Variants in CPNE4 observed in about 807,000 individuals in gnomAD.
CPNE4 encodes copine-4.
CPNE4 carries 25 observed loss-of-function variants against 67.9 expected under a neutral mutation model. The ratio of observed to expected loss-of-function variants is 0.37; its 90% confidence interval spans 0.27 to 0.51. The LOEUF is 0.51. CPNE4 is among the 20% of genes least tolerant of loss of function. The pLI is 0.93. For synonymous variants in CPNE4, 242 were observed against 244.9 expected, an observed-to-expected ratio of 0.99 and a Z score of 0.11; for missense variants, 464 against 690.8, an observed-to-expected ratio of 0.67 and a Z score of 3.68.
intron 6 of CPNE4, among the ~76,000 whole-genome samples, chr3:131,677,060 T>A (rs2080595000): frequency 6.6e-6 from 1 of 151,856 alleles, no homozygotes; most frequent in African/African-American, 2.4e-5. Context: ...TTTTACTTTT[T>A]ATAGTAGCCA....
intron 2 of CPNE4, among the ~76,000 whole-genome samples, chr3:131,852,822 T>C (rs565488651): frequency 3.3e-5 from 5 of 151,778 alleles, no homozygotes; most frequent in African/African-American, 4.8e-5. Flanking sequence ...CAAAAATCAA[T>C]TGTATTTTTG....
intron 1 of CPNE4, among the ~76,000 whole-genome samples, chr3:131,955,040 T>C (rs1047101443): frequency 6.6e-6 from 1 of 151,142 alleles, no homozygotes; most frequent in Non-Finnish European, 1.5e-5. Context: ...AACCACCAGC[T>C]AGAAATCGCA....
At chr3:131,765,874 C>G (rs2082999395) in intron 2 of CPNE4, among the ~76,000 whole-genome samples, 1 of 152,080 alleles carries the variant, frequency 6.6e-6, no homozygotes, top group South Asian at 2.1e-4. Flanking sequence ...CTTCAACTTA[C>G]TGACTATTGG....
At chr3:131,653,921 CCTT>C (rs1310591763) in intron 7 of CPNE4, among the ~76,000 whole-genome samples, 2 of 152,176 alleles carry the variant, frequency 1.3e-5, no homozygotes, top group Non-Finnish European at 2.9e-5. Context: ...GGGGCTGTCT[CCTT>C]AATACCTTAA....
intron 2 of CPNE4, among the ~76,000 whole-genome samples, chr3:131,872,582 T>C (rs2087263802): frequency 6.6e-6 from 1 of 152,210 alleles, no homozygotes; most frequent in Non-Finnish European, 1.5e-5. Context: ...AATGTTAATC[T>C]CATCCAAAAA....
Position 131,806,875 on chromosome 3 carries a change from C to T in CPNE4, c.181-83250G>A, listed in dbSNP as rs114601812. Among the ~76,000 whole-genome samples, 1,354 of 152,186 alleles carry T rather than the reference C, an allele frequency of 8.9e-3. 18 individuals are homozygous for T. The highest frequency in any genetic ancestry group is 0.03 in the African/African-American group (1,246 of 41,516). ...AAAACCTAACATCCATTCTGAGAGA[C>T]GGTTAAGAAGGGAGGAAGTTTGTAG... On this transcript the variant is annotated intron_variant, in intron 2 of 15. Transcript: ENST00000429747.
intron 1 of CPNE4, among the ~76,000 whole-genome samples, chr3:131,934,226 C>T (rs1330536333): frequency 6.6e-6 from 1 of 152,042 alleles, no homozygotes; most frequent in Admixed American, 6.6e-5. Flanking sequence ...TTGACTTTAA[C>T]AAGATCAGTT....
intron 7 of CPNE4, among the ~76,000 whole-genome samples, chr3:131,606,339 C>T (rs1176382260): frequency 6.6e-6 from 1 of 152,164 alleles, no homozygotes; most frequent in African/African-American, 2.4e-5. Flanking sequence ...GAGAACAATA[C>T]AGATCCCAAA....
At chr3:132,002,757 A>G (rs1259368060) in intron 1 of CPNE4, among the ~76,000 whole-genome samples, 1 of 152,132 alleles carries the variant, frequency 6.6e-6, no homozygotes, top group Non-Finnish European at 1.5e-5. Context: ...AGAGTTATTT[A>G]CATATCAAAG....
chr3:131,775,142 C>A (rs1053779121), intron 2 of CPNE4, among the ~76,000 whole-genome samples: 1 of 151,988 alleles, frequency 6.6e-6, no homozygotes, highest in Non-Finnish European at 1.5e-5. Flanking sequence ...AAATTTTTGT[C>A]TTTTCCTTTT....
At chr3:131,636,108 G>A (rs1418163555) in intron 7 of CPNE4, among the ~76,000 whole-genome samples, 6 of 150,878 alleles carry the variant, frequency 4.0e-5, no homozygotes, top group Non-Finnish European at 8.8e-5. Context: ...ACTACTGCAG[G>A]AACATACCAG....
chr3:132,028,363 A>G (rs2074160464), intron 1 of CPNE4, among the ~76,000 whole-genome samples: 1 of 152,214 alleles, frequency 6.6e-6, no homozygotes, highest in East Asian at 1.9e-4. Context: ...CACACTTAAC[A>G]GCACAATTTC....
intron 1 of CPNE4, among the ~76,000 whole-genome samples, chr3:131,911,452 G>T (rs1243517685): frequency 1.3e-5 from 2 of 152,012 alleles, no homozygotes; most frequent in African/African-American, 4.8e-5. Flanking sequence ...GATAATAAAT[G>T]TGTGCTGTTT....
intron 10 of CPNE4, among the ~76,000 whole-genome samples, chr3:131,573,523 G>T (rs1353140144): frequency 6.6e-6 from 1 of 152,080 alleles, no homozygotes; most frequent in Non-Finnish European, 1.5e-5. Context: ...GAAGGGCAGA[G>T]CAAGCCCCTG....
chr3:131,870,262 A>G (rs1353219786), intron 2 of CPNE4, among the ~76,000 whole-genome samples: 2 of 152,226 alleles, frequency 1.3e-5, no homozygotes, highest in Non-Finnish European at 2.9e-5. Flanking sequence ...GTTATGAAAT[A>G]TTCACTCAGC....
At chr3:132,025,860 C>A (rs946540957) in intron 1 of CPNE4, among the ~76,000 whole-genome samples, 6 of 152,234 alleles carry the variant, frequency 3.9e-5, no homozygotes, top group Admixed American at 1.3e-4. Flanking sequence ...TACCTACCTA[C>A]ATACAACACA....
At chr3:131,572,275 A>G (rs536164489) in intron 10 of CPNE4, among the ~76,000 whole-genome samples, 5 of 152,198 alleles carry the variant, frequency 3.3e-5, no homozygotes, top group African/African-American at 1.2e-4. Flanking sequence ...TAAAGGGACA[A>G]TTCACAAACA....
chr3:131,962,957 T>C (rs948176819), intron 1 of CPNE4, among the ~76,000 whole-genome samples: 2 of 152,178 alleles, frequency 1.3e-5, no homozygotes, highest in East Asian at 1.9e-4. Context: ...TTTGGACTCC[T>C]GGCAAGATGG....
chr3:131,945,997 T>C (rs1030221676), intron 1 of CPNE4, among the ~76,000 whole-genome samples: 9 of 152,316 alleles, frequency 5.9e-5, no homozygotes, highest in Middle Eastern at 3.4e-3. Context: ...TAGCTAGCCA[T>C]AATTTTTTAG....
Sources: allele counts gnomAD v4.1 joint callset (sites outside exome capture counted in the v4.1 genomes callset), GRCh38; gene constraint gnomAD v4.1.1; transcripts MANE v1.5; gene names NCBI Gene and HGNC (gene_info 2026-07-23, HGNC 2026-07-21).